Variants in ABCA12 observed in about 807,000 individuals in gnomAD.
ABCA12 encodes the protein ATP binding cassette subfamily A member 12.
Under a neutral mutation model 293.5 loss-of-function variants are expected in ABCA12, and 156 were observed. The ratio of observed to expected loss-of-function variants is 0.53; its 90% CI spans 0.47 to 0.61. ABCA12 has a LOEUF of 0.61. Among genes scored for constraint, ABCA12 ranks in the 20% least tolerant of loss-of-function variants. ABCA12 has a pLI of 0.00. For synonymous variants in ABCA12, 1,063 were observed against 1,108.0 expected, an observed-to-expected ratio of 0.96 and a Z score of 0.81; for missense variants, 2,797 against 3,090.2, an observed-to-expected ratio of 0.91 and a Z score of 2.25.
chr2:215,138,188 C>T lies in ABCA12; in HGVS notation c.21G>A (p.Gln7=). The T allele has an allele frequency of 6.2e-7, 1 of 1,614,122 alleles. No individual in the cohort carries two copies. Among genetic ancestry groups the T allele is most frequent in the Non-Finnish European group, 8.5e-7 (1 of 1,180,016 alleles). The change falls in exon 1 of 53, where the codon CAG becomes CAA. Residue 7 remains glutamine, a synonymous_variant. Transcript: ENST00000272895. MASLFH[Q]LQILVWKNWL... ...AATTTTTCCAGACCAGGATCTGAAG[C>T]TGATGAAACAGGGAAGCCATCCTTC...
intron 42 of ABCA12, among the ~76,000 whole-genome samples, chr2:214,956,088 G>T (rs1383828965): frequency 3.3e-5 from 5 of 152,172 alleles, no homozygotes; most frequent in Non-Finnish European, 2.9e-5. Flanking sequence ...CAATTAAATA[G>T]ATCTAGAGAC....
rs1445969527 is a variant in ABCA12 at position 215,137,218 on chromosome 2, T to C, written c.69+922A>G. Among the ~76,000 whole-genome samples the C allele has an allele frequency of 5.3e-5, 8 of 152,130 alleles. No homozygotes were observed. In the East Asian group the frequency reaches 1.5e-3, roughly 29 times the overall value. Reference sequence around the variant, plus strand: ...CACACATCAAAACACTCAAGTAAAGTGTCAGGCAATCCAAGCAAGCCTGGA... The same window carrying C: ...CACACATCAAAACACTCAAGTAAAGCGTCAGGCAATCCAAGCAAGCCTGGA... On this transcript the variant is annotated intron_variant, in intron 1 of 52. Coordinates refer to ENST00000272895, the MANE Select transcript of ABCA12 (RefSeq NM_173076.3).
intron 20 of ABCA12, among the ~76,000 whole-genome samples, chr2:215,002,290 T>C (rs1700162494): frequency 6.6e-6 from 1 of 152,212 alleles, no homozygotes; most frequent in Non-Finnish European, 1.5e-5. Context: ...TAAAATCTTA[T>C]GTGTATATCT....
Position 215,064,090 on chromosome 2 carries a change from A to G in ABCA12, c.293T>C (p.Ile98Thr), listed in dbSNP as rs755914590. 6 of 1,612,920 alleles carry G rather than the reference A, an allele frequency of 3.7e-6. No individual in the cohort carries two copies. In the South Asian group the frequency reaches 6.6e-5, roughly 18 times the overall value. The change falls in exon 3 of 53, where the codon ATT (isoleucine) becomes ACT (threonine). Residue 98 changes from isoleucine to threonine, a missense_variant. By Grantham distance (89) the Ile-to-Thr change is moderately conservative. This residue lies in a region of ABCA12 where 656 missense variants were observed against 638.2 expected (regional missense o/e 1.03). Coordinates refer to ENST00000272895, the MANE Select transcript of ABCA12 (RefSeq NM_173076.3). Reference protein sequence around the residue: ...GPQDLLRRKGIDDALFKDSEI... With the variant: ...GPQDLLRRKGTDDALFKDSEI... ...CCTGTCTTTAAATAGTGCATCATCA[A>G]TTCCTTTCCTACGAAGCAGATCTTG... is the stretch of plus-strand genomic sequence containing the variant.
At chr2:215,135,465 T>C (rs1255672054) in intron 1 of ABCA12, among the ~76,000 whole-genome samples, 1 of 152,218 alleles carries the variant, frequency 6.6e-6, no homozygotes, top group Non-Finnish European at 1.5e-5. Context: ...AAAGTTGTCA[T>C]GGTGGTGATG....
At chr2:214,957,789 C>T (rs1698994485) in intron 41 of ABCA12, among the ~76,000 whole-genome samples, 1 of 152,196 alleles carries the variant, frequency 6.6e-6, no homozygotes, top group South Asian at 2.1e-4. Flanking sequence ...TCCTACTAAT[C>T]TTCTCTAATG....
rs1276080963 is a variant in ABCA12 at position 215,122,215 on chromosome 2, T to G, written c.70-10525A>C. Among the ~76,000 whole-genome samples, 3 of 152,298 alleles carry G rather than the reference T, an allele frequency of 2.0e-5. No individual in the cohort carries two copies. The East Asian group carries it at 5.8e-4, about 29-fold the overall frequency. The stretch of plus-strand genomic sequence containing the variant: ...GTTACTTTTTAATGGTTGACTACAT[T>G]CATAAAATTTGCATGTCTACTATGT... On this transcript the variant is annotated intron_variant, in intron 1 of 52. Transcript: ENST00000272895.
chr2:215,061,920 A>G (rs1260036710), intron 3 of ABCA12, among the ~76,000 whole-genome samples: 2 of 152,074 alleles, frequency 1.3e-5, no homozygotes, highest in African/African-American at 4.8e-5. Context: ...AGGGAACTAT[A>G]GTTGTCTACT....
In ABCA12 at chr2:215,134,516, GTGTATATATA is replaced by G. The variant is rs1220878127; in HGVS notation, c.69+3614_69+3623del. 5.3e-5 allele frequency among the ~76,000 whole-genome samples: 6 copies of G among 114,028 alleles called. 1 individual carries two copies. Among genetic ancestry groups the G allele is most frequent in the African/African-American group, 2.3e-4 (6 of 26,244 alleles). 74.8% of individuals were successfully genotyped at this position (114,028 alleles called of 152,430 possible). ...TATGCACATATATGCGTATGTATAT[GTGTATATATA>G]CGTATATATGTACATATATACGTAT... On this transcript the variant is annotated intron_variant, in intron 1 of 52. Coordinates refer to ENST00000272895, the MANE Select transcript of ABCA12 (RefSeq NM_173076.3).
chr2:214,944,633 C>A (rs1342278904), intron 49 of ABCA12, among the ~76,000 whole-genome samples: 1 of 151,846 alleles, frequency 6.6e-6, no homozygotes, highest in South Asian at 2.1e-4. Flanking sequence ...AGATTCTGAA[C>A]TTTATTTGAC....
chr2:215,131,130 T>C (rs1403397044), intron 1 of ABCA12, among the ~76,000 whole-genome samples: 2 of 152,070 alleles, frequency 1.3e-5, no homozygotes, highest in Non-Finnish European at 2.9e-5. Flanking sequence ...AGTTTACCAG[T>C]ATTTTGTTGA....
chr2:215,114,576 A>G (rs544617169), intron 1 of ABCA12, among the ~76,000 whole-genome samples: 14 of 152,306 alleles, frequency 9.2e-5, no homozygotes, highest in Non-Finnish European at 1.6e-4. Context: ...TTTTATAATT[A>G]TTGTGCTGTT....
At chr2:214,971,654 A>T (rs565368785) in intron 36 of ABCA12, among the ~76,000 whole-genome samples, 1 of 152,244 alleles carries the variant, frequency 6.6e-6, no homozygotes, top group East Asian at 1.9e-4. Context: ...TCCATATGTT[A>T]TGTATGGTGG....
At chr2:215,078,715 C>T (rs1484721996) in intron 2 of ABCA12, among the ~76,000 whole-genome samples, 1 of 152,114 alleles carries the variant, frequency 6.6e-6, no homozygotes, top group Non-Finnish European at 1.5e-5. Flanking sequence ...ACTGTTTCTA[C>T]CCTTAGTGAG....
Position 215,019,652 on chromosome 2 carries a change from C to G in ABCA12, c.1432G>C (p.Glu478Gln). 1 of 1,614,160 alleles carries G rather than the reference C, an allele frequency of 6.2e-7. No individual in the cohort carries two copies. The highest frequency in any genetic ancestry group is 8.5e-7 in the Non-Finnish European group (1 of 1,180,036). ...CTGGCTGCTATTTCGGTGCCCAGCT[C>G]TGCCGCTTCGAGGAGTTGCAGATCA... Reference protein sequence around the residue: ...EFDLQLLEAAELGTEIAASLL... With the variant: ...EFDLQLLEAAQLGTEIAASLL... Residue 478 changes from glutamate (E) to glutamine (Q), a missense_variant, in exon 12 of 53, where the codon GAG becomes CAG. Physicochemically the swap from Glu to Gln is conservative, Grantham distance 29. This residue lies in a region of ABCA12 where 656 missense variants were observed against 638.2 expected (regional missense o/e 1.03). Transcript: ENST00000272895.
intron 1 of ABCA12, among the ~76,000 whole-genome samples, chr2:215,131,514 G>C (rs1013765031): frequency 2.3e-4 from 35 of 151,856 alleles, no homozygotes; most frequent in African/African-American, 8.2e-4. Flanking sequence ...TTTCTAGTTT[G>C]TGTGAATAGA....
At chr2:215,025,647 GTT>G in intron 11 of ABCA12, 24 bp downstream of exon 11, 2 of 1,156,054 alleles carry the variant, frequency 1.7e-6, no homozygotes. Context: ...TTTGTTTTTT[GTT>G]TTTTTTTTAC....
intron 2 of ABCA12, among the ~76,000 whole-genome samples, chr2:215,107,414 T>G (rs1209318927): frequency 6.6e-6 from 1 of 152,236 alleles, no homozygotes; most frequent in Non-Finnish European, 1.5e-5. Flanking sequence ...TACTTCAAAC[T>G]TGGCACCTCA....
chr2:215,115,985 T>C (rs1702678108), intron 1 of ABCA12, among the ~76,000 whole-genome samples: 1 of 152,146 alleles, frequency 6.6e-6, no homozygotes, highest in Non-Finnish European at 1.5e-5. Flanking sequence ...AGGTTGATGA[T>C]AAAAGTAGAA....
Sources: allele counts gnomAD v4.1 joint callset (sites outside exome capture counted in the v4.1 genomes callset), GRCh38; gene constraint gnomAD v4.1.1; regional missense constraint gnomAD v4.1.1; transcripts MANE v1.5; gene names NCBI Gene and HGNC (gene_info 2026-07-23, HGNC 2026-07-21).